The following ERBB4 variants were observed in gnomAD, a reference collection of about 807,000 sequenced individuals.
The protein encoded by ERBB4 is erb-b2 receptor tyrosine kinase 4.
A neutral mutation model predicts 158.0 loss-of-function variants in ERBB4; 42 were observed. That is an observed-to-expected ratio of 0.27 (90% confidence interval 0.21 to 0.34). ERBB4 has a LOEUF of 0.34. ERBB4 is among the 10% of genes least tolerant of loss of function. The pLI is 1.00. For synonymous variants in ERBB4, 583 were observed against 558.7 expected, an observed-to-expected ratio of 1.04 and a Z score of -0.61; for missense variants, 1,333 against 1,624.1, an observed-to-expected ratio of 0.82 and a Z score of 3.08.
At chr2:212,236,392 A>G (rs1559812776) in intron 1 of ERBB4, among the ~76,000 whole-genome samples, 1 of 152,200 alleles carries the variant, frequency 6.6e-6, no homozygotes, top group Non-Finnish European at 1.5e-5. Context: ...GGATTTTCAC[A>G]TCGATGTTCA....
intron 1 of ERBB4, among the ~76,000 whole-genome samples, chr2:212,314,783 C>A (rs779376335): frequency 5.3e-5 from 8 of 151,048 alleles, no homozygotes; most frequent in Non-Finnish European, 1.2e-4. Context: ...CAGAAAGAGC[C>A]TTTCTCTTTC....
chr2:211,541,282 C>T (rs2066801702), intron 20 of ERBB4, among the ~76,000 whole-genome samples: 1 of 151,854 alleles, frequency 6.6e-6, no homozygotes, highest in African/African-American at 2.4e-5. Flanking sequence ...ATTCTTCTTT[C>T]TTTTCAAAAT....
intron 1 of ERBB4, among the ~76,000 whole-genome samples, chr2:212,392,226 G>A (rs1257495423): frequency 2.0e-5 from 3 of 151,900 alleles, no homozygotes; most frequent in Admixed American, 6.6e-5. Flanking sequence ...AGTCCCTTCA[G>A]AGAAATCTAA....
intron 20 of ERBB4, among the ~76,000 whole-genome samples, chr2:211,505,284 T>C (rs78405158): frequency 0.021 from 3,154 of 151,094 alleles, 117 homozygotes; most frequent in African/African-American, 0.07. Context: ...CAGAAGAGAC[T>C]GTGGAACTAT....
At chr2:212,276,209 G>C (rs1251250118) in intron 1 of ERBB4, among the ~76,000 whole-genome samples, 1 of 151,716 alleles carries the variant, frequency 6.6e-6, no homozygotes, top group Admixed American at 6.6e-5. Context: ...TGGTTGACCA[G>C]AATGCCTAGA....
At chr2:212,009,747 A>G (rs2076340007) in intron 2 of ERBB4, among the ~76,000 whole-genome samples, 1 of 152,172 alleles carries the variant, frequency 6.6e-6, no homozygotes, top group Non-Finnish European at 1.5e-5. Flanking sequence ...TTCATTATAT[A>G]AATAAAAATC....
At chr2:212,066,770 C>T (rs1175031439) in intron 2 of ERBB4, among the ~76,000 whole-genome samples, 3 of 151,876 alleles carry the variant, frequency 2.0e-5, no homozygotes, top group Non-Finnish European at 4.4e-5. Flanking sequence ...AGCTTCTTGC[C>T]AGCAATTACA....
intron 1 of ERBB4, among the ~76,000 whole-genome samples, chr2:212,166,576 G>GAAAAAA (rs35242218): frequency 6.9e-6 from 1 of 144,090 alleles, no homozygotes; most frequent in African/African-American, 2.6e-5. Flanking sequence ...CACAGAATTA[G>GAAAAAA]AAAAAAAAAA....
At chr2:211,628,401 G>A (rs549261502) in intron 17 of ERBB4, among the ~76,000 whole-genome samples, 1 of 152,252 alleles carries the variant, frequency 6.6e-6, no homozygotes, top group African/African-American at 2.4e-5. Flanking sequence ...TCCCACCTAT[G>A]AGTGAGAACA....
intron 20 of ERBB4, among the ~76,000 whole-genome samples, chr2:211,545,039 C>T (rs1327186512): frequency 1.3e-5 from 2 of 152,076 alleles, no homozygotes; most frequent in South Asian, 2.1e-4. Flanking sequence ...TTTGGCTGTA[C>T]ACTCTTGATT....
chr2:212,355,898 T>A (rs934404188), intron 1 of ERBB4, among the ~76,000 whole-genome samples: 1 of 151,962 alleles, frequency 6.6e-6, no homozygotes, highest in African/African-American at 2.4e-5. Context: ...CCCACCTCAC[T>A]TCCAACCTTT....
intron 2 of ERBB4, among the ~76,000 whole-genome samples, chr2:211,958,878 TTAAG>T (rs1010348676): frequency 6.6e-6 from 1 of 152,062 alleles, no homozygotes; most frequent in African/African-American, 2.4e-5. Context: ...AAAAGGTACT[TTAAG>T]TATCCTAAAA....
intron 2 of ERBB4, among the ~76,000 whole-genome samples, chr2:212,064,211 T>C (rs182434780): frequency 1.7e-4 from 26 of 152,226 alleles, no homozygotes; most frequent in Non-Finnish European, 3.1e-4. Flanking sequence ...GCCTGAAGCA[T>C]ACCTGAGACA....
chr2:211,906,838 G>C (rs1474625671), intron 3 of ERBB4, among the ~76,000 whole-genome samples: 1 of 151,572 alleles, frequency 6.6e-6, no homozygotes, highest in African/African-American at 2.4e-5. Context: ...AGTTTGCTAA[G>C]GATAATGGCA....
At chr2:212,059,278 A>G (rs576304140) in intron 2 of ERBB4, among the ~76,000 whole-genome samples, 50 of 152,334 alleles carry the variant, frequency 3.3e-4, no homozygotes, top group African/African-American at 1.1e-3. Flanking sequence ...ACCACTGCTC[A>G]ATGAAATAAA....
intron 2 of ERBB4, among the ~76,000 whole-genome samples, chr2:212,043,109 G>A (rs1399198646): frequency 6.6e-6 from 1 of 152,130 alleles, no homozygotes; most frequent in Non-Finnish European, 1.5e-5. Flanking sequence ...AGGACTGTTA[G>A]TACCTTTATG....
chr2:211,885,045 A>G (rs2078761270), intron 3 of ERBB4, among the ~76,000 whole-genome samples: 3 of 152,288 alleles, frequency 2.0e-5, no homozygotes, highest in Non-Finnish European at 4.4e-5. Flanking sequence ...TTTAAAATGT[A>G]TTGAATTATC....
intron 1 of ERBB4, among the ~76,000 whole-genome samples, chr2:212,190,550 A>AAAAAG (rs540372658): frequency 0.13 from 19,382 of 146,084 alleles, 1,757 homozygotes; most frequent in Non-Finnish European, 0.2. Context: ...AAAAAAAAAA[A>AAAAAG]AAGAAGAAGA....
chr2:211,397,009 C>G (rs2062934134), intron 25 of ERBB4, among the ~76,000 whole-genome samples: 1 of 152,112 alleles, frequency 6.6e-6, no homozygotes, highest in Admixed American at 6.6e-5. Context: ...ACTGACAGAA[C>G]AAACAGCACA....
Sources: allele counts gnomAD v4.1 joint callset (sites outside exome capture counted in the v4.1 genomes callset), GRCh38; gene constraint gnomAD v4.1.1; transcripts MANE v1.5; gene names NCBI Gene and HGNC (gene_info 2026-07-23, HGNC 2026-07-21).